CD84: variants seen among roughly 807,000 people sequenced by gnomAD.
The protein encoded by CD84 is CD84 molecule, also known as SLAM family member 5.
A neutral mutation model predicts 33.8 loss-of-function variants in CD84; 22 were observed. The ratio of observed to expected loss-of-function variants is 0.65; its 90% CI spans 0.46 to 0.93. CD84 has a LOEUF of 0.93. CD84 is among the 40% of genes least tolerant of loss of function. The pLI is 0.00. For missense variants in CD84, 400 were observed against 397.6 expected (o/e 1.01, Z -0.05); for synonymous variants, 154 against 145.2 (o/e 1.06, Z -0.44).
intron 1 of CD84, among the ~76,000 whole-genome samples, chr1:160,576,674 T>G (rs984590700): frequency 1.3e-5 from 2 of 152,224 alleles, no homozygotes; most frequent in Non-Finnish European, 2.9e-5. Flanking sequence ...CTAAGGACTC[T>G]GAAGCTTAAA....
In CD84 at chr1:160,548,289, AG is replaced by A. The variant is rs760263529; in HGVS notation, c.953del (p.Pro318LeufsTer10). 1.2e-6 allele frequency: 2 copies of A among 1,614,106 alleles called. No homozygotes were observed. The highest frequency in any genetic ancestry group is 4.5e-5 in the East Asian group (2 of 44,886). ...CAATTTCATAGCTTGAAGTCCCAGG[AG>A]GTTTACTGTCCTGTGTGCTGGCTTT... Reference protein sequence around the residue: ...MGKASTQDSKPPGTSSYEIVI With the variant: ...MGKASTQDSKXPGTSSYEIVI On this transcript the variant is annotated frameshift_variant, in exon 7 of 7. Transcript: ENST00000368054. LOFTEE classifies it high-confidence loss of function.
intron 1 of CD84, among the ~76,000 whole-genome samples, chr1:160,572,742 C>G (rs1458592928): frequency 1.3e-5 from 2 of 152,076 alleles, no homozygotes; most frequent in Non-Finnish European, 2.9e-5. Flanking sequence ...TATGCCAGAA[C>G]ACAAATGGGA....
At chr1:160,573,602 C>T (rs1467714831) in intron 1 of CD84, among the ~76,000 whole-genome samples, 1 of 152,146 alleles carries the variant, frequency 6.6e-6, no homozygotes, top group Non-Finnish European at 1.5e-5. Flanking sequence ...AGGGTTTTCT[C>T]CCAACATCAT....
At chr1:160,557,738 T>C (rs1404011412) in intron 2 of CD84, among the ~76,000 whole-genome samples, 1 of 152,250 alleles carries the variant, frequency 6.6e-6, no homozygotes, top group Non-Finnish European at 1.5e-5. Flanking sequence ...AACAAAAATT[T>C]CTTTTCCCTA....
chr1:160,551,272 C>T (rs905523803), intron 4 of CD84: 2 of 462,018 alleles, frequency 4.3e-6, no homozygotes, highest in African/African-American at 4.0e-5. Context: ...AGGCCAAAGA[C>T]AATTTCCCCA....
chr1:160,564,515 G>A (rs906073610), intron 2 of CD84, among the ~76,000 whole-genome samples: 2 of 152,154 alleles, frequency 1.3e-5, no homozygotes, highest in Non-Finnish European at 2.9e-5. Flanking sequence ...GAACTAAAAT[G>A]TTCCTCAAGA....
Position 160,565,606 on chromosome 1 carries a change from A to G in CD84, c.186T>C (p.Tyr62=), listed in dbSNP as rs1657274632. 2.5e-6 allele frequency: 4 copies of G among 1,613,874 alleles called. No homozygotes were observed. The highest frequency in any genetic ancestry group is 3.4e-6 in the Non-Finnish European group (4 of 1,179,922). Residue 62 remains tyrosine (Y), a synonymous_variant, in exon 2 of 7, where the codon TAT becomes TAC. Transcript: ENST00000368054. ...IAWTSKTSVA[Y]VTPGDSETAP... ...CTGTTTCTGAGTCTCCTGGTGTTAC[A>G]TAAGCAACAGATGTTTTAGAAGTCC...
At chr1:160,555,104 G>T (rs185310854) in intron 2 of CD84, among the ~76,000 whole-genome samples, 4 of 141,826 alleles carry the variant, frequency 2.8e-5, no homozygotes, top group Non-Finnish European at 6.1e-5. Context: ...TTTTTGAGAC[G>T]GAGTCTTGCT....
intron 2 of CD84, among the ~76,000 whole-genome samples, chr1:160,564,968 T>C (rs1375056873): frequency 6.6e-6 from 1 of 152,216 alleles, no homozygotes; most frequent in Non-Finnish European, 1.5e-5. Flanking sequence ...GTTTTTGATA[T>C]TGTGCTATAG....
At chr1:160,563,113 G>A (rs1240625527) in intron 2 of CD84, among the ~76,000 whole-genome samples, 1 of 152,062 alleles carries the variant, frequency 6.6e-6, no homozygotes, top group African/African-American at 2.4e-5. Context: ...AAGATTGCAG[G>A]GAAAAAGAAA....
chr1:160,560,744 C>T (rs1388372047), intron 2 of CD84, among the ~76,000 whole-genome samples: 1 of 151,880 alleles, frequency 6.6e-6, no homozygotes, highest in Non-Finnish European at 1.5e-5. Context: ...AGAGAGACTG[C>T]TAGCTAGACT....
At chr1:160,554,408 A>G (rs1176039481) in intron 2 of CD84, among the ~76,000 whole-genome samples, 1 of 152,208 alleles carries the variant, frequency 6.6e-6, no homozygotes, top group Admixed American at 6.5e-5. Context: ...TTAACAGAGT[A>G]TCTGTCTTTC....
chr1:160,579,317 T>G, intron 1 of CD84, 75 bp downstream of exon 1: 1 of 1,601,506 alleles, frequency 6.2e-7, no homozygotes, highest in East Asian at 2.2e-5. Context: ...AAAAGACAGT[T>G]CAATGTCTTC....
chr1:160,569,409 C>T (rs1371634331), intron 1 of CD84, among the ~76,000 whole-genome samples: 5 of 152,002 alleles, frequency 3.3e-5, no homozygotes, highest in Admixed American at 1.3e-4. Context: ...TAACTTGTGG[C>T]ACAAAAACAT....
intron 1 of CD84, among the ~76,000 whole-genome samples, chr1:160,566,560 A>G (rs74124869): frequency 0.05 from 7,582 of 152,242 alleles, 641 homozygotes; most frequent in African/African-American, 0.17. Context: ...TGTTTGTTGG[A>G]CATCTACTCT....
At chr1:160,550,716 C>T (rs1462943880) in intron 5 of CD84, 1 of 985,232 alleles carries the variant, frequency 1.0e-6, no homozygotes. Context: ...CACTCAGTGC[C>T]TCAGCCCATG....
At chr1:160,568,147 A>T (rs914855491) in intron 1 of CD84, among the ~76,000 whole-genome samples, 3 of 152,158 alleles carry the variant, frequency 2.0e-5, no homozygotes, top group Admixed American at 6.5e-5. Context: ...CATAGATTCC[A>T]CAGACTCGTA....
Position 160,549,916 on chromosome 1 carries a change from C to T in CD84, c.921+1G>A, listed in dbSNP as rs1457336848. 6.2e-7 allele frequency: 1 copy of T among 1,609,100 alleles called. No individual in the cohort carries two copies. The highest frequency in any genetic ancestry group is 1.3e-5 in the African/African-American group (1 of 74,778). On this transcript the variant is annotated splice_donor_variant, in intron 6 of 6. Transcript: ENST00000368054. LOFTEE classifies it high-confidence loss of function. ...AGGATAAAAAGCCAGAAAGGGGTTACCTTATCAGCAAACTGCACTTCGGAA... is the reference window on the plus strand; with the variant it reads ...AGGATAAAAAGCCAGAAAGGGGTTATCTTATCAGCAAACTGCACTTCGGAA...
chr1:160,562,983 G>GA (rs1426488962), intron 2 of CD84, among the ~76,000 whole-genome samples: 1 of 151,956 alleles, frequency 6.6e-6, no homozygotes, highest in Non-Finnish European at 1.5e-5. Flanking sequence ...ACAAACATGT[G>GA]AAAAAAAGCT....
Sources: allele counts gnomAD v4.1 joint callset (sites outside exome capture counted in the v4.1 genomes callset), GRCh38; gene constraint gnomAD v4.1.1; transcripts MANE v1.5; gene names NCBI Gene and HGNC (gene_info 2026-07-23, HGNC 2026-07-21).